SNX24: variants seen among roughly 807,000 people sequenced by gnomAD.
SNX24 encodes the protein sorting nexin-24.
Under a neutral mutation model 28.7 loss-of-function variants are expected in SNX24, and 22 were observed. The observed-to-expected ratio is 0.77, with a 90% CI of 0.55 to 1.10. The LOEUF (loss-of-function observed/expected upper bound fraction) is 1.10, where lower values mean the gene tolerates loss of function less well. Ranked by LOEUF, SNX24 falls within the 50% of genes least tolerant of loss-of-function variation. The probability of loss-of-function intolerance (pLI) is 0.00; values close to 1 mark genes in which losing one functional copy is unlikely to be tolerated. For synonymous variants in SNX24, 69 were observed against 71.5 expected (o/e 0.96, Z 0.18); for missense variants, 221 against 201.1 (o/e 1.10, Z -0.60).
intron 1 of SNX24, among the ~76,000 whole-genome samples, chr5:122,893,677 T>G (rs764866451): frequency 1.3e-5 from 2 of 152,212 alleles, no homozygotes; most frequent in Non-Finnish European, 2.9e-5. Flanking sequence ...AAATAGAATT[T>G]AAGATTTTTA....
chr5:122,858,197 G>A (rs561554508), intron 1 of SNX24, among the ~76,000 whole-genome samples: 1 of 152,308 alleles, frequency 6.6e-6, no homozygotes, highest in South Asian at 2.1e-4. Flanking sequence ...AACAATTACA[G>A]TAGTAACTTG....
At chr5:122,901,571 T>C (rs184153957) in intron 1 of SNX24, among the ~76,000 whole-genome samples, 395 of 152,348 alleles carry the variant, frequency 2.6e-3, no homozygotes, top group Non-Finnish European at 4.7e-3. Flanking sequence ...TCCTGGACAC[T>C]GTTGCCTTTC....
At chr5:122,960,212 C>T (rs1228049858) in intron 3 of SNX24, among the ~76,000 whole-genome samples, 1 of 152,158 alleles carries the variant, frequency 6.6e-6, no homozygotes, top group East Asian at 1.9e-4. Flanking sequence ...AATGTTTAAA[C>T]AACATCCCAT....
At chr5:122,856,272 C>T (rs1341584512) in intron 1 of SNX24, among the ~76,000 whole-genome samples, 2 of 152,108 alleles carry the variant, frequency 1.3e-5, no homozygotes, top group African/African-American at 2.4e-5. Context: ...TGGCCCCCAG[C>T]TCCAACCATG....
At chr5:123,016,159 T>C (rs1387038135) in intron 5 of SNX24, among the ~76,000 whole-genome samples, 1 of 152,208 alleles carries the variant, frequency 6.6e-6, no homozygotes, top group Non-Finnish European at 1.5e-5. Context: ...GCTGGATAAA[T>C]ACTTGAACAA....
At chr5:122,875,274 A>G (rs1188540160) in intron 1 of SNX24, among the ~76,000 whole-genome samples, 1 of 152,222 alleles carries the variant, frequency 6.6e-6, no homozygotes, top group African/African-American at 2.4e-5. Context: ...TTAATGATAT[A>G]ATTTCAACAA....
chr5:122,863,506 AG>A (rs1396938333), intron 1 of SNX24, among the ~76,000 whole-genome samples: 1 of 151,158 alleles, frequency 6.6e-6, no homozygotes, highest in Non-Finnish European at 1.5e-5. Context: ...GGCAGCAATA[AG>A]GACGTTGGCT....
chr5:122,882,315 C>T (rs1377449738), intron 1 of SNX24, among the ~76,000 whole-genome samples: 1 of 152,228 alleles, frequency 6.6e-6, no homozygotes, highest in African/African-American at 2.4e-5. Context: ...GATGCCTCTA[C>T]TCCTTCCCAC....
intron 1 of SNX24, among the ~76,000 whole-genome samples, chr5:122,908,278 A>C (rs2093820708): frequency 6.6e-6 from 1 of 152,228 alleles, no homozygotes; most frequent in African/African-American, 2.4e-5. Flanking sequence ...CACTGCTGTC[A>C]GATGTCATTG....
chr5:122,932,105 T>C (rs1009064198), intron 1 of SNX24, among the ~76,000 whole-genome samples: 1 of 152,360 alleles, frequency 6.6e-6, no homozygotes, highest in Middle Eastern at 3.4e-3. Flanking sequence ...GATCAGATTC[T>C]TCTCTTTAAA....
At chr5:123,012,782 C>A (rs1472271705), downstream of SNX24, among the ~76,000 whole-genome samples, 2 of 152,158 alleles carry the variant, frequency 1.3e-5, no homozygotes, top group African/African-American at 2.4e-5. Flanking sequence ...GCACACATAC[C>A]AGTTACTAGT....
At position 123,008,706 on chromosome 5, in the gene SNX24, A is replaced by G. The variant is rs904791754; in HGVS notation, c.*957A>G. On this transcript the variant is annotated 3_prime_UTR_variant, in exon 7 of 7. Transcript: ENST00000261369. ...CACCTGGGTTTACTCAAGGGTGTGCATTCATTTTAGGTGGGATCGCCACAG... is the reference window on the plus strand; with the variant it reads ...CACCTGGGTTTACTCAAGGGTGTGCGTTCATTTTAGGTGGGATCGCCACAG... 3.0e-5 allele frequency: 8 copies of G among 269,540 alleles called. No individual in the cohort carries two copies. The highest frequency in any genetic ancestry group is 4.6e-5 in the Non-Finnish European group (8 of 175,494). 16.7% of individuals were successfully genotyped at this position (269,540 alleles called of 1,614,324 possible).
At chr5:123,000,684 G>GATT (rs762756038) in intron 4 of SNX24, among the ~76,000 whole-genome samples, 1 of 152,150 alleles carries the variant, frequency 6.6e-6, no homozygotes, top group Non-Finnish European at 1.5e-5. Context: ...AATTAACTCT[G>GATT]AAATAAGCCA....
At chr5:123,011,597 G>A (rs1762579978), downstream of SNX24, among the ~76,000 whole-genome samples, 1 of 152,176 alleles carries the variant, frequency 6.6e-6, no homozygotes, top group Admixed American at 6.5e-5. Flanking sequence ...GATTGACAAT[G>A]GCTGCTTGAA....
At chr5:123,015,245 G>A (rs1440339573) in intron 5 of SNX24, among the ~76,000 whole-genome samples, 5 of 152,204 alleles carry the variant, frequency 3.3e-5, no homozygotes, top group Non-Finnish European at 5.9e-5. Flanking sequence ...CTGGCCCCCA[G>A]TTCAGTGCTG....
At chr5:122,968,008 T>A (rs1357840669) in intron 3 of SNX24, among the ~76,000 whole-genome samples, 1 of 152,198 alleles carries the variant, frequency 6.6e-6, no homozygotes, top group Non-Finnish European at 1.5e-5. Context: ...AGAGAATAAT[T>A]TGAACATGGA....
chr5:123,002,936 G>T (rs1441802493), intron 6 of SNX24, among the ~76,000 whole-genome samples: 1 of 152,158 alleles, frequency 6.6e-6, no homozygotes, highest in African/African-American at 2.4e-5. Flanking sequence ...GAGAAAATTG[G>T]GGTCCAGGGA....
At chr5:122,935,650 C>T (rs565743346) in intron 1 of SNX24, among the ~76,000 whole-genome samples, 5 of 152,282 alleles carry the variant, frequency 3.3e-5, no homozygotes, top group African/African-American at 9.6e-5. Context: ...AATAGTCATA[C>T]TTACATGTAA....
At chr5:122,910,723 G>A (rs1023643207) in intron 1 of SNX24, among the ~76,000 whole-genome samples, 3 of 147,522 alleles carry the variant, frequency 2.0e-5, no homozygotes, top group Admixed American at 7.0e-5. Context: ...GTGGTGTTTC[G>A]TTTTTTGTCC....
Sources: allele counts gnomAD v4.1 joint callset (sites outside exome capture counted in the v4.1 genomes callset), GRCh38; gene constraint gnomAD v4.1.1; transcripts MANE v1.5; gene names NCBI Gene and HGNC (gene_info 2026-07-23, HGNC 2026-07-21).